The following DNAH2 variants were observed in gnomAD, a reference collection of about 807,000 sequenced individuals.
DNAH2 encodes the protein dynein axonemal heavy chain 2.
Under a neutral mutation model 523.5 loss-of-function variants are expected in DNAH2, and 323 were observed. The observed-to-expected ratio is 0.62, with a 90% CI of 0.56 to 0.68. The LOEUF is 0.68. DNAH2 is among the 30% of genes least tolerant of loss of function. The pLI is 0.00. For missense variants in DNAH2, 4,907 were observed against 5,701.5 expected, an observed-to-expected ratio of 0.86 and a Z score of 4.49; for synonymous variants, 2,093 against 2,177.4, an observed-to-expected ratio of 0.96 and a Z score of 1.08.
At chr17:7,819,529 GTCCTCCTGGTAGC>G in intron 72 of DNAH2, 121 bp downstream of exon 72, 2 of 988,214 alleles carry the variant, frequency 2.0e-6, no homozygotes, top group South Asian at 3.0e-5. Context: ...CTTGGCATAT[GTCCTCCTGGTAGC>G]TCCTCACTCT....
chr17:7,781,085 C>T lies in DNAH2; in HGVS notation c.6047C>T (p.Thr2016Ile). The T allele has an allele frequency of 1.2e-6, 2 of 1,614,278 alleles. No homozygotes were observed. The highest frequency in any genetic ancestry group is 2.2e-5 in the East Asian group (1 of 44,892). ...SMRDMNIAKL[T>I]SVDAPLFNAI... is the part of the protein sequence containing the mutation. ...AGAGATATGAACATCGCCAAGCTCACTTCAGTTGATGCACCCCTGTTCAAT... is the reference window on the plus strand; with the variant it reads ...AGAGATATGAACATCGCCAAGCTCATTTCAGTTGATGCACCCCTGTTCAAT... The change falls in exon 39 of 86, where the codon ACT (threonine) becomes ATT (isoleucine). Residue 2016 changes from threonine (T) to isoleucine (I), a missense_variant. Coordinates refer to ENST00000572933, the MANE Select transcript of DNAH2 (RefSeq NM_020877.5).
chr17:7,757,558 A>G (rs1237778541), intron 13 of DNAH2, among the ~76,000 whole-genome samples: 2 of 152,186 alleles, frequency 1.3e-5, no homozygotes, highest in East Asian at 1.9e-4. Flanking sequence ...TGTGCACAGA[A>G]TAACATCAGA....
chr17:7,775,687 A>G (rs1413836867), intron 30 of DNAH2, among the ~76,000 whole-genome samples: 1 of 123,064 alleles, frequency 8.1e-6, no homozygotes, highest in Non-Finnish European at 1.8e-5. Flanking sequence ...CTCCGTCTCA[A>G]AACCAAAAAA....
chr17:7,791,252 G>A (rs2076888431), intron 44 of DNAH2, among the ~76,000 whole-genome samples: 1 of 151,556 alleles, frequency 6.6e-6, no homozygotes, highest in African/African-American at 2.4e-5. Context: ...TGTATTTTTA[G>A]TAGAGATGGG....
chr17:7,738,208 T>C, intron 8 of DNAH2: 1 of 660,474 alleles, frequency 1.5e-6, no homozygotes, highest in South Asian at 1.6e-5. Context: ...CCTGTACACT[T>C]TGTTTAGCCT....
intron 72 of DNAH2, among the ~76,000 whole-genome samples, chr17:7,819,782 T>C (rs1235318708): frequency 6.6e-6 from 1 of 152,210 alleles, no homozygotes; most frequent in Non-Finnish European, 1.5e-5. Flanking sequence ...CCACTGCTCC[T>C]GGTCTGTGGA....
At position 7,798,506 on chromosome 17, in the gene DNAH2, C is replaced by T. The variant is rs2077130775; in HGVS notation, c.8399-52C>T. 3 of 1,605,082 alleles carry T rather than the reference C, an allele frequency of 1.9e-6. No homozygotes were observed. In the South Asian group the frequency reaches 3.3e-5, roughly 18 times the overall value. ...CCTAAATCTCAGAAAAGGAATCAAG[C>T]CCAGGATGGGGAATCTGCAGTGAGT... On this transcript the variant is annotated intron_variant, in intron 54 of 85. Coordinates refer to ENST00000572933, the MANE Select transcript of DNAH2 (RefSeq NM_020877.5). The surrounding 1 kb of genome is among the most constrained non-coding windows in gnomAD (Gnocchi z 5.5).
In DNAH2 at chr17:7,764,407, C is replaced by G. The variant is rs1256412397; in HGVS notation, c.3336+134C>G. ...CTCTAGATTTGAAAGCCAAAGCTAG[C>G]TCAAATGATACCTTTACTTAGCTTC... is the stretch of plus-strand genomic sequence containing the variant. On this transcript the variant is annotated intron_variant, in intron 20 of 85. Transcript: ENST00000572933. The G allele has an allele frequency of 6.8e-6, 7 of 1,035,684 alleles. No individual in the cohort carries two copies. In the Admixed American group the frequency reaches 1.0e-4, roughly 15 times the overall value. The allele number at this position is 1,035,684 out of a possible 1,614,324, so 64.2% of individuals were successfully genotyped here.
rs771365521 is a variant in DNAH2, at chr17:7,831,057, G to C, written c.12231-29G>C. The C allele has an allele frequency of 2.5e-6, 4 of 1,602,994 alleles. No individual in the cohort carries two copies. The highest frequency in any genetic ancestry group is 1.7e-4 in the Middle Eastern group (1 of 6,048). ...GCATTGAGGGCTGAGTCCCCACAAT[G>C]TGGCAGTAATTATGCTATGACTCCC... On this transcript the variant is annotated intron_variant, in intron 79 of 85. Transcript: ENST00000572933. This position sits in a 1 kb window ranked among gnomAD's most constrained non-coding sequence, Gnocchi z 4.2.
chr17:7,726,836 A>T (rs1436925383), intron 3 of DNAH2, among the ~76,000 whole-genome samples: 1 of 152,170 alleles, frequency 6.6e-6, no homozygotes, highest in East Asian at 1.9e-4. Flanking sequence ...TGACATTTTT[A>T]AAAACTACAG....
At chr17:7,759,690 T>TTGGCCTTGACTTTATCCTA in intron 16 of DNAH2, 80 bp downstream of exon 16, 5 of 1,600,306 alleles carry the variant, frequency 3.1e-6, no homozygotes, top group Non-Finnish European at 4.3e-6. Context: ...AACTTGGTCC[T>TTGGCCTTGACTTTATCCTA]TGGCCTTGAC....
At chr17:7,723,174 A>ACG (rs1567597913) in intron 2 of DNAH2, among the ~76,000 whole-genome samples, 2 of 148,624 alleles carry the variant, frequency 1.3e-5, no homozygotes, top group Non-Finnish European at 3.0e-5. Context: ...GTTTCACCGT[A>ACG]TTAGTCAGGA....
chr17:7,738,127 T>G (rs1455827952), intron 8 of DNAH2: 1 of 703,350 alleles, frequency 1.4e-6, no homozygotes, highest in Non-Finnish European at 2.6e-6. Flanking sequence ...TCCAGTATGA[T>G]ACGCCTCCCC....
At chr17:7,738,797 G>A in intron 8 of DNAH2, 2 of 577,764 alleles carry the variant, frequency 3.5e-6, no homozygotes, top group Non-Finnish European at 6.3e-6. Flanking sequence ...TTGTCCTTTG[G>A]GATTCAGGAG....
chr17:7,757,596 C>A (rs141680239), intron 13 of DNAH2, among the ~76,000 whole-genome samples: 1 of 152,216 alleles, frequency 6.6e-6, no homozygotes, highest in Non-Finnish European at 1.5e-5. Flanking sequence ...CTGCTGCCCC[C>A]ATCCCTGCCT....
intron 11 of DNAH2, among the ~76,000 whole-genome samples, chr17:7,741,232 C>T (rs190969201): frequency 1.4e-4 from 17 of 119,436 alleles, no homozygotes; most frequent in African/African-American, 3.7e-4. Flanking sequence ...TTTTTTTTCT[C>T]TCTCTCTTTC....
chr17:7,804,195 C>G, intron 58 of DNAH2, 61 bp from the exon 59 acceptor site: 1 of 1,566,282 alleles, frequency 6.4e-7, no homozygotes. Context: ...GTGGACCTTA[C>G]AGGACACCGC....
Position 7,761,540 on chromosome 17 carries a change from G to C in DNAH2, c.2978+608G>C, listed in dbSNP as rs182126811. 8.9e-5 allele frequency among the ~76,000 whole-genome samples: 13 copies of C among 145,622 alleles called. No homozygotes were observed. The East Asian group carries it at 2.6e-3, about 29-fold the overall frequency. On this transcript the variant is annotated intron_variant, in intron 18 of 85. Coordinates refer to ENST00000572933, the MANE Select transcript of DNAH2 (RefSeq NM_020877.5). ...TTTTTTTGAGACAGAGTCTCACTCT[G>C]TCATCCACGCTGGAGTGCAGTGCAA...
In DNAH2 at chr17:7,818,147, G is replaced by C. The variant is rs1480778206; in HGVS notation, c.10387+51G>C. On this transcript the variant is annotated intron_variant, in intron 68 of 85. Coordinates refer to ENST00000572933, the MANE Select transcript of DNAH2 (RefSeq NM_020877.5). ...CAAGTGGGATGCTAGGGAGGGAAGGGCTGGCTCTCTGACTGTGTCCTCTTC... is the reference window on the plus strand; with the variant it reads ...CAAGTGGGATGCTAGGGAGGGAAGGCCTGGCTCTCTGACTGTGTCCTCTTC... The C allele has an allele frequency of 1.9e-6, 3 of 1,606,638 alleles. No homozygotes were observed. In the South Asian group the frequency reaches 3.3e-5, roughly 18 times the overall value.
Sources: gnomAD v4.1 joint callset for allele counts (sites outside exome capture counted in the v4.1 genomes callset) on GRCh38, gnomAD v4.1.1 for gene constraint, Gnocchi (gnomAD v3.1) non-coding constraint, MANE v1.5 for transcripts, NCBI Gene and HGNC (gene_info 2026-07-23, HGNC 2026-07-21) for gene names.